DLX4: variants seen among roughly 807,000 people sequenced by gnomAD.
The protein encoded by DLX4 is distal-less homeobox 4.
A neutral mutation model predicts 17.1 loss-of-function variants in DLX4; 13 were observed. The observed-to-expected ratio is 0.76, with a 90% CI of 0.49 to 1.21. The LOEUF (loss-of-function observed/expected upper bound fraction) is 1.21, where lower values mean the gene tolerates loss of function less well. Ranked by LOEUF, DLX4 falls within the 50% of genes most tolerant of loss-of-function variation. The probability of loss-of-function intolerance (pLI) is 0.00; values close to 1 mark genes in which losing one functional copy is unlikely to be tolerated. For synonymous variants in DLX4, 129 were observed against 140.3 expected, an observed-to-expected ratio of 0.92 and a Z score of 0.57; for missense variants, 297 against 301.4, an observed-to-expected ratio of 0.99 and a Z score of 0.11.
intron 1 of DLX4, chr17:49,971,836 C>G (rs1000134392): frequency 1.3e-5 from 2 of 152,084 alleles, no homozygotes; most frequent in East Asian, 1.9e-4. Flanking sequence ...CCGCAGCGCC[C>G]GAGGCCACGG....
At position 49,974,402 on chromosome 17, in the gene DLX4, A is replaced by G. The variant is rs146419987; in HGVS notation, c.*459A>G. On this transcript the variant is annotated 3_prime_UTR_variant, in exon 3 of 3. Coordinates refer to ENST00000240306, the MANE Select transcript of DLX4 (RefSeq NM_138281.3). The stretch of plus-strand genomic sequence containing the variant: ...TTTCTTTGTATGCCTTTGGCCTTGC[A>G]CAACCCATTTGTGAGCAAAAGCAGA... 397 of 152,802 alleles carry G rather than the reference A, an allele frequency of 2.6e-3. 2 individuals are homozygous for G. Among genetic ancestry groups the G allele is most frequent in the South Asian group, 5.8e-3 (28 of 4,826 alleles). The allele number at this position is 152,802 out of a possible 1,614,324, so 9.5% of individuals were successfully genotyped here. A position where few individuals can be genotyped will look rare whatever the true frequency, so the allele number is the denominator to read the frequency against.
chr17:49,972,907 A>C lies in DLX4; in HGVS notation c.284-166A>C. ...GTGAACGTGGGGGTTGAAACGCTCC[A>C]CGCGGAAGGTAGAGGGCAGGGGCCA... On this transcript the variant is annotated intron_variant, in intron 1 of 2. Transcript: ENST00000240306. The surrounding 1 kb of genome is among the most constrained non-coding windows in gnomAD (Gnocchi z 5.4). The C allele has an allele frequency of 2.3e-5, 33 of 1,455,438 alleles. No homozygotes were observed. Among genetic ancestry groups the C allele is most frequent in the Non-Finnish European group, 3.0e-5 (33 of 1,100,818 alleles). 90.2% of individuals were successfully genotyped at this position (1,455,438 alleles called of 1,614,324 possible).
In DLX4 at chr17:49,974,097, G is replaced by T; in HGVS notation, c.*154G>T. ...AGAGGAGAAAAAGGAATGGAGCAGA[G>T]CCTGTACCCCTAACCCTAACAGCTA... On this transcript the variant is annotated 3_prime_UTR_variant, in exon 3 of 3. Transcript: ENST00000240306. 1.0e-6 allele frequency: 1 copy of T among 1,000,916 alleles called. No individual in the cohort carries two copies. The highest frequency in any genetic ancestry group is 2.0e-5 in the South Asian group (1 of 49,620). The allele number at this position is 1,000,916 out of a possible 1,614,324, so 62.0% of individuals were successfully genotyped here.
chr17:49,971,836 C>T (rs1000134392), intron 1 of DLX4: 2 of 152,084 alleles, frequency 1.3e-5, no homozygotes, highest in African/African-American at 4.8e-5. Context: ...CCGCAGCGCC[C>T]GAGGCCACGG....
At chr17:49,970,755 C>T (rs559712724) in intron 1 of DLX4, among the ~76,000 whole-genome samples, 1 of 152,296 alleles carries the variant, frequency 6.6e-6, no homozygotes, top group South Asian at 2.1e-4. Context: ...GGAGGCACAC[C>T]CATTAGGTGA....
rs941739431 is a variant in DLX4 at position 49,974,230 on chromosome 17, T to C, written c.*287T>C. ...CTGGAGAGAGAGCCATTGGCTGGAGTTGAGACTGTCCCCAGAACCCTTGGT... is the reference window on the plus strand; with the variant it reads ...CTGGAGAGAGAGCCATTGGCTGGAGCTGAGACTGTCCCCAGAACCCTTGGT... On this transcript the variant is annotated 3_prime_UTR_variant, in exon 3 of 3. Transcript: ENST00000240306. The C allele has an allele frequency of 1.1e-5, 3 of 279,500 alleles. No homozygotes were observed. The highest frequency in any genetic ancestry group is 5.4e-5 in the Admixed American group (1 of 18,672). 17.3% of individuals were successfully genotyped at this position (279,500 alleles called of 1,614,324 possible). A position where few individuals can be genotyped will look rare whatever the true frequency, so the allele number is the denominator to read the frequency against.
intron 2 of DLX4, 180 bp downstream of exon 2, chr17:49,973,449 C>A: frequency 1.8e-6 from 2 of 1,094,154 alleles, no homozygotes; most frequent in Non-Finnish European, 2.6e-6. Flanking sequence ...GAAAGGTGTG[C>A]ATGTATGTGC....
chr17:49,974,010 C>CACAGCCCAGGACCCAGGCAGTCCACCTGG lies in DLX4; in HGVS notation c.*69_*70insAGCCCAGGACCCAGGCAGTCCACCTGGAC. ...GCCCAGGACCCAGGCAGTCCACCTGCACCCCTTCTGGGCTGGGAGGAAACC... is the reference window on the plus strand; with the variant it reads ...GCCCAGGACCCAGGCAGTCCACCTGCACAGCCCAGGACCCAGGCAGTCCACCTGGACCCCTTCTGGGCTGGGAGGAAACC... On this transcript the variant is annotated 3_prime_UTR_variant, in exon 3 of 3. Transcript: ENST00000240306. 6.7e-7 allele frequency: 1 copy of CACAGCCCAGGACCCAGGCAGTCCACCTGG among 1,498,920 alleles called. No homozygotes were observed. The highest frequency in any genetic ancestry group is 1.4e-5 in the African/African-American group (1 of 71,094). 92.9% of individuals were successfully genotyped at this position (1,498,920 alleles called of 1,614,324 possible).
At position 49,974,505 on chromosome 17, in the gene DLX4, C is replaced by A. The variant is rs184512405; in HGVS notation, c.*562C>A. On this transcript the variant is annotated 3_prime_UTR_variant, in exon 3 of 3. Transcript: ENST00000240306. Reference sequence around the variant, plus strand: ...CCCGTTACCCCCATAACTGATTTACCTACTTACCATACTGGGAGGTAGAAG... The same window carrying A: ...CCCGTTACCCCCATAACTGATTTACATACTTACCATACTGGGAGGTAGAAG... 1 of 150,928 alleles carries A rather than the reference C, an allele frequency of 6.6e-6. No homozygotes were observed. The highest frequency in any genetic ancestry group is 1.5e-5 in the Non-Finnish European group (1 of 67,934). 9.3% of individuals were successfully genotyped at this position (150,928 alleles called of 1,614,324 possible).
intron 1 of DLX4, among the ~76,000 whole-genome samples, chr17:49,971,461 G>A (rs1383849128): frequency 7.9e-5 from 12 of 152,142 alleles, no homozygotes; most frequent in African/African-American, 2.4e-4. Context: ...AGGGAGCAGC[G>A]GGCCTGGAGG....
intron 1 of DLX4, among the ~76,000 whole-genome samples, chr17:49,971,667 C>A (rs898094660): frequency 1.3e-5 from 2 of 152,074 alleles, no homozygotes; most frequent in Non-Finnish European, 2.9e-5. Flanking sequence ...GCAGTCCACG[C>A]AGCCAGAGAG....
At position 49,972,612 on chromosome 17, in the gene DLX4, C is replaced by CACCG. The variant is rs1218271300; in HGVS notation, c.284-460_284-457dup. 5.5e-5 allele frequency: 36 copies of CACCG among 650,748 alleles called. No homozygotes were observed. Among genetic ancestry groups the CACCG allele is most frequent in the South Asian group, 4.8e-4 (7 of 14,584 alleles). 40.3% of individuals were successfully genotyped at this position (650,748 alleles called of 1,614,324 possible). A position where few individuals can be genotyped will look rare whatever the true frequency, so the allele number is the denominator to read the frequency against. On this transcript the variant is annotated intron_variant, in intron 1 of 2. Transcript: ENST00000240306. This position sits in a 1 kb window ranked among gnomAD's most constrained non-coding sequence, Gnocchi z 5.4. ...CCGCAGCCGGAGGCTGCCACGCGGACACCGTCTCAAGCCTCTGAGCATTGC... is the reference window on the plus strand; with the variant it reads ...CCGCAGCCGGAGGCTGCCACGCGGACACCGACCGTCTCAAGCCTCTGAGCATTGC...
chr17:49,973,004 TTATGAAA>T, intron 1 of DLX4, 62 bp from the exon 2 acceptor site: 2 of 1,583,428 alleles, frequency 1.3e-6, no homozygotes, highest in Non-Finnish European at 1.7e-6. Context: ...GCAAATAAGC[TTATGAAA>T]CTGTCCGTCC....
At position 49,972,787 on chromosome 17, in the gene DLX4, G is replaced by C; in HGVS notation, c.284-286G>C. 7 of 1,388,550 alleles carry C rather than the reference G, an allele frequency of 5.0e-6. No homozygotes were observed. The highest frequency in any genetic ancestry group is 6.5e-6 in the Non-Finnish European group (7 of 1,076,592). 86.0% of individuals were successfully genotyped at this position (1,388,550 alleles called of 1,614,324 possible). Reference sequence around the variant, plus strand: ...CCCACCGCAGGCGCCGCGGTACCCTGGCTGTGGCCCTCGGCGCTTTCTTCC... The same window carrying C: ...CCCACCGCAGGCGCCGCGGTACCCTCGCTGTGGCCCTCGGCGCTTTCTTCC... On this transcript the variant is annotated intron_variant, in intron 1 of 2. Coordinates refer to ENST00000240306, the MANE Select transcript of DLX4 (RefSeq NM_138281.3). The surrounding 1 kb of genome is among the most constrained non-coding windows in gnomAD (Gnocchi z 5.4).
chr17:49,973,015 T>C (rs758314831), intron 1 of DLX4, 58 bp from the exon 2 acceptor site: 1 of 1,588,584 alleles, frequency 6.3e-7, no homozygotes, highest in South Asian at 1.1e-5. Context: ...TATGAAACTG[T>C]CCGTCCTACC....
intron 1 of DLX4, among the ~76,000 whole-genome samples, chr17:49,970,499 C>T (rs1905468326): frequency 6.6e-6 from 1 of 152,228 alleles, no homozygotes; most frequent in Non-Finnish European, 1.5e-5. Flanking sequence ...GGCCACAGTT[C>T]CCGTTGCCTG....
chr17:49,969,825 T>TG, intron 1 of DLX4, 74 bp downstream of exon 1: 1 of 1,192,258 alleles, frequency 8.4e-7, no homozygotes, highest in Non-Finnish European at 1.1e-6. Context: ...CTCCCTCGCC[T>TG]GGTTGGACGC....
chr17:49,973,657 A>G (rs745596961), intron 2 of DLX4, 44 bp from the exon 3 acceptor site: 20 of 1,494,902 alleles, frequency 1.3e-5, no homozygotes, highest in Non-Finnish European at 7.1e-6. Flanking sequence ...TTTCACACAT[A>G]TCTTCCTCCT....
intron 2 of DLX4, 132 bp downstream of exon 2, chr17:49,973,401 C>T: frequency 7.4e-7 from 1 of 1,344,212 alleles, no homozygotes; most frequent in Non-Finnish European, 1.0e-6. Flanking sequence ...AGGGAATGTT[C>T]ATAGCTGGCT....
Sources: allele counts gnomAD v4.1 joint callset (sites outside exome capture counted in the v4.1 genomes callset), GRCh38; gene constraint gnomAD v4.1.1; non-coding constraint Gnocchi (gnomAD v3.1); transcripts MANE v1.5; gene names NCBI Gene and HGNC (gene_info 2026-07-23, HGNC 2026-07-21).